The following RASGRF1 variants were observed in gnomAD, a reference collection of about 807,000 sequenced individuals.
RASGRF1 encodes Ras protein specific guanine nucleotide releasing factor 1.
Under a neutral mutation model 138.7 loss-of-function variants are expected in RASGRF1, and 40 were observed. That is an observed-to-expected ratio of 0.29 (90% CI 0.22 to 0.38). RASGRF1 has a LOEUF of 0.38. Among genes scored for constraint, RASGRF1 ranks in the 10% least tolerant of loss-of-function variants. RASGRF1 has a pLI of 1.00. For synonymous variants in RASGRF1, 614 were observed against 663.2 expected (o/e 0.93, Z 1.14); for missense variants, 1,108 against 1,650.4 (o/e 0.67, Z 5.69).
chr15:79,073,255 A>G lies in RASGRF1; in HGVS notation c.277-8729T>C, dbSNP rs2057786067. 6.6e-6 allele frequency among the ~76,000 whole-genome samples: 1 copy of G among 152,056 alleles called. No homozygotes were observed. The highest frequency in any genetic ancestry group is 2.4e-5 in the African/African-American group (1 of 41,410). ...CCCGCAGTCCTCCACCAGACTGCCC[A>G]GATCCCAGAAGGGGAGTCATGATGC... On this transcript the variant is annotated intron_variant, in intron 1 of 26. Coordinates refer to ENST00000558480, the MANE Select transcript of RASGRF1 (RefSeq NM_001145648.3). The surrounding 1 kb of genome is among the most constrained non-coding windows in gnomAD (Gnocchi z 4.2).
At chr15:78,978,220 GTTTTTTTTTTTTT>G (rs71148584) in intron 24 of RASGRF1, among the ~76,000 whole-genome samples, 44 of 125,108 alleles carry the variant, frequency 3.5e-4, no homozygotes, top group Non-Finnish European at 4.7e-4. Flanking sequence ...CTTTTCTTTT[GTTTTTTTTTTTTT>G]TTTTTTTTTT....
At chr15:79,049,377 T>G in intron 4 of RASGRF1, 119 bp downstream of exon 4, 7 of 874,058 alleles carry the variant, frequency 8.0e-6, no homozygotes, top group Non-Finnish European at 1.3e-5. Flanking sequence ...GGAGCTGAGG[T>G]TGGGGGATGG....
chr15:79,027,950 G>C lies in RASGRF1; in HGVS notation c.1263-91C>G, dbSNP rs1326446505. The C allele has an allele frequency of 4.6e-6, 6 of 1,295,052 alleles. No individual in the cohort carries two copies. The highest frequency in any genetic ancestry group is 1.9e-4 in the Middle Eastern group (1 of 5,402). 80.2% of individuals were successfully genotyped at this position (1,295,052 alleles called of 1,614,324 possible). A position where few individuals can be genotyped will look rare whatever the true frequency, so the allele number is the denominator to read the frequency against. On this transcript the variant is annotated intron_variant, in intron 8 of 26. Transcript: ENST00000558480. The surrounding 1 kb of genome is among the most constrained non-coding windows in gnomAD (Gnocchi z 4.8). ...CCAGGCTTCTGGCCAGACCTAGGAA[G>C]AAAGCCTGGCACAAGGATTCTCAGG...
At chr15:79,049,662 G>T in intron 3 of RASGRF1, 74 bp from the exon 4 acceptor site, 1 of 1,336,360 alleles carries the variant, frequency 7.5e-7, no homozygotes, top group Non-Finnish European at 1.0e-6. Context: ...CCGGTGGGTG[G>T]CAGGAACAGG....
chr15:79,047,168 A>G (rs2057366127), intron 4 of RASGRF1, among the ~76,000 whole-genome samples, 169 bp from the exon 5 acceptor site: 1 of 152,248 alleles, frequency 6.6e-6, no homozygotes, highest in South Asian at 2.1e-4. Flanking sequence ...TGTTGCCCAC[A>G]TGATACAGGG....
chr15:79,047,707 C>T (rs2141026717), intron 4 of RASGRF1, among the ~76,000 whole-genome samples: 1 of 152,178 alleles, frequency 6.6e-6, no homozygotes, highest in Non-Finnish European at 1.5e-5. Flanking sequence ...CTCATGTTGG[C>T]AAGAACTTGG....
chr15:79,009,315 TGAA>T (rs2056746803), intron 13 of RASGRF1, among the ~76,000 whole-genome samples: 1 of 152,234 alleles, frequency 6.6e-6, no homozygotes, highest in Admixed American at 6.5e-5. Flanking sequence ...TGAGAAACTG[TGAA>T]GAAGCAATAA....
chr15:79,049,479 A>G lies in RASGRF1; in HGVS notation c.624+17T>C. 6.2e-7 allele frequency: 1 copy of G among 1,611,956 alleles called. No homozygotes were observed. On this transcript the variant is annotated intron_variant, in intron 4 of 26. Coordinates refer to ENST00000558480, the MANE Select transcript of RASGRF1 (RefSeq NM_001145648.3). ...GAGAGAGCTCCAAAGAAGGCCACCC[A>G]GAGGGATAGCACTGACCTTCTTAAT... is the stretch of plus-strand genomic sequence containing the variant.
At chr15:79,045,821 A>G (rs1385953298) in intron 5 of RASGRF1, among the ~76,000 whole-genome samples, 2 of 152,236 alleles carry the variant, frequency 1.3e-5, no homozygotes, top group Non-Finnish European at 2.9e-5. Flanking sequence ...CTGGGTCCCA[A>G]ATATTCATGC....
Position 79,014,141 on chromosome 15 carries a change from C to T in RASGRF1, c.1826+1186G>A, listed in dbSNP as rs77696009. Among the ~76,000 whole-genome samples the T allele has an allele frequency of 2.6e-5, 4 of 152,254 alleles. No homozygotes were observed. The East Asian group carries it at 7.7e-4, about 29-fold the overall frequency. On this transcript the variant is annotated intron_variant, in intron 13 of 26. Coordinates refer to ENST00000558480, the MANE Select transcript of RASGRF1 (RefSeq NM_001145648.3). ...AGACTTCTGTAACCCTTCTACACTG[C>T]TGGTGGGAATGAAAACTAGCACAAC...
chr15:79,072,502 C>G (rs955765221), intron 1 of RASGRF1, among the ~76,000 whole-genome samples: 1 of 151,950 alleles, frequency 6.6e-6, no homozygotes, highest in Non-Finnish European at 1.5e-5. Context: ...GTCTTGATCT[C>G]CTGACCTCGT....
intron 1 of RASGRF1, among the ~76,000 whole-genome samples, chr15:79,074,988 T>C (rs1281626040): frequency 1.3e-5 from 2 of 152,118 alleles, no homozygotes; most frequent in Non-Finnish European, 2.9e-5. Flanking sequence ...CTGTAACAGA[T>C]CCACAATGAT....
At chr15:78,993,959 C>G (rs2056335157) in intron 20 of RASGRF1, among the ~76,000 whole-genome samples, 1 of 152,222 alleles carries the variant, frequency 6.6e-6, no homozygotes, top group Non-Finnish European at 1.5e-5. Flanking sequence ...TCTAGTGAGG[C>G]CGCGGGGCCC....
rs115396129 is a variant in RASGRF1, at chr15:79,090,527, C to T, written c.-29G>A. ...GCTCAGAGGCCAGCGAGACCCCACGCGCTTACATCTTCTCCGCGCAGCAGC... is the reference window on the plus strand; with the variant it reads ...GCTCAGAGGCCAGCGAGACCCCACGTGCTTACATCTTCTCCGCGCAGCAGC... On this transcript the variant is annotated 5_prime_UTR_variant, in exon 1 of 27. Coordinates refer to ENST00000558480, the MANE Select transcript of RASGRF1 (RefSeq NM_001145648.3). 278 of 1,600,886 alleles carry T rather than the reference C, an allele frequency of 1.7e-4. 2 individuals carry two copies. In the African/African-American group the frequency reaches 2.4e-3, roughly 14 times the overall value.
chr15:79,023,356 G>T (rs954527337), intron 10 of RASGRF1, among the ~76,000 whole-genome samples: 1 of 152,206 alleles, frequency 6.6e-6, no homozygotes, highest in African/African-American at 2.4e-5. Flanking sequence ...CTCTGTGAGG[G>T]TCAATGTCCT....
intron 6 of RASGRF1, among the ~76,000 whole-genome samples, chr15:79,034,392 A>G (rs2057189155): frequency 6.6e-6 from 1 of 152,220 alleles, no homozygotes; most frequent in South Asian, 2.1e-4. Context: ...CTTGGAGAAC[A>G]ATGGGACAAT....
In RASGRF1 at chr15:78,961,547, G is replaced by A. The variant is rs1477283473; in HGVS notation, c.*597C>T. The A allele has an allele frequency of 6.5e-6, 1 of 152,746 alleles. No homozygotes were observed. The allele number at this position is 152,746 out of a possible 1,614,324, so 9.5% of individuals were successfully genotyped here. On this transcript the variant is annotated 3_prime_UTR_variant, in exon 27 of 27. Coordinates refer to ENST00000558480, the MANE Select transcript of RASGRF1 (RefSeq NM_001145648.3). ...GAACGAGATGGCAGCATTGGTACGA[G>A]GGGTGTGGTTCTGAGCAGAGAGGAC...
chr15:78,970,803 T>G (rs11072820), intron 26 of RASGRF1, among the ~76,000 whole-genome samples: 81,010 of 149,084 alleles, frequency 0.54, 23,362 homozygotes, highest in Non-Finnish European at 0.65. Flanking sequence ...AACAATTTTT[T>G]TTTCTTTTTG....
chr15:79,037,082 G>C (rs751528166), intron 5 of RASGRF1, among the ~76,000 whole-genome samples: 1 of 152,152 alleles, frequency 6.6e-6, no homozygotes, highest in South Asian at 2.1e-4. Flanking sequence ...GCTGGTTTCT[G>C]TCTGGCTCTG....
Sources: allele counts gnomAD v4.1 joint callset (sites outside exome capture counted in the v4.1 genomes callset), GRCh38; gene constraint gnomAD v4.1.1; non-coding constraint Gnocchi (gnomAD v3.1); transcripts MANE v1.5; gene names NCBI Gene and HGNC (gene_info 2026-07-23, HGNC 2026-07-21).